Variants in SRRM4 observed in about 807,000 individuals in gnomAD.
SRRM4 encodes serine/arginine repetitive matrix 4, also known as serine/arginine repetitive matrix protein 4.
A neutral mutation model predicts 68.9 loss-of-function variants in SRRM4; 33 were observed. The ratio of observed to expected loss-of-function variants is 0.48; its 90% CI spans 0.36 to 0.64. SRRM4 has a LOEUF of 0.64. Ranked by LOEUF, SRRM4 falls within the 30% of genes least tolerant of loss-of-function variation. SRRM4 has a pLI of 0.00. For synonymous variants in SRRM4, 318 were observed against 318.8 expected, an observed-to-expected ratio of 1.00 and a Z score of 0.03; for missense variants, 817 against 827.1, an observed-to-expected ratio of 0.99 and a Z score of 0.15.
chr12:118,998,836 T>C (rs1171382528), intron 1 of SRRM4, among the ~76,000 whole-genome samples: 1 of 152,228 alleles, frequency 6.6e-6, no homozygotes, highest in Admixed American at 6.5e-5. Flanking sequence ...TTTATCTCTC[T>C]ATTCCCAGTG....
chr12:119,065,305 C>G (rs1191980382), intron 1 of SRRM4, among the ~76,000 whole-genome samples: 2 of 152,188 alleles, frequency 1.3e-5, no homozygotes, highest in Non-Finnish European at 1.5e-5. Context: ...ATGTAGACAG[C>G]TCCAAGTGAG....
intron 9 of SRRM4, among the ~76,000 whole-genome samples, chr12:119,150,754 A>T (rs1954433531): frequency 6.6e-6 from 1 of 152,164 alleles, no homozygotes; most frequent in Admixed American, 6.5e-5. Context: ...TGACATTCTA[A>T]AATACTCCAC....
intron 2 of SRRM4, among the ~76,000 whole-genome samples, chr12:119,105,608 T>C (rs1428481736): frequency 3.9e-5 from 6 of 152,262 alleles, no homozygotes; most frequent in Non-Finnish European, 7.3e-5. Context: ...GTTGGCTGCA[T>C]AAATGTCTTC....
chr12:119,142,302 CT>C (rs1233529653), intron 8 of SRRM4, among the ~76,000 whole-genome samples: 7 of 152,316 alleles, frequency 4.6e-5, no homozygotes, highest in Admixed American at 1.3e-4. Context: ...GCCTTTATCC[CT>C]GTTTTCTGGT....
chr12:119,154,115 C>G lies in SRRM4; in HGVS notation c.1392-128C>G. Reference sequence around the variant, plus strand: ...GTCATCCTCCCTCCGGTCTCCCTTGCGGCAACGTGCAGACCCCATCCCGTG... The same window carrying G: ...GTCATCCTCCCTCCGGTCTCCCTTGGGGCAACGTGCAGACCCCATCCCGTG... On this transcript the variant is annotated intron_variant, in intron 11 of 12. Coordinates refer to ENST00000267260, the MANE Select transcript of SRRM4 (RefSeq NM_194286.4). This position sits in a 1 kb window ranked among gnomAD's most constrained non-coding sequence, Gnocchi z 4.7. 1.2e-6 allele frequency: 1 copy of G among 833,044 alleles called. No homozygotes were observed. Among genetic ancestry groups the G allele is most frequent in the Non-Finnish European group, 1.9e-6 (1 of 529,712 alleles). The allele number at this position is 833,044 out of a possible 1,614,324, so 51.6% of individuals were successfully genotyped here.
chr12:119,137,115 A>G (rs1220780098), intron 8 of SRRM4, among the ~76,000 whole-genome samples: 1 of 149,762 alleles, frequency 6.7e-6, no homozygotes. Flanking sequence ...TTTTTTTTTT[A>G]AGGAATAACC....
At position 119,154,024 on chromosome 12, in the gene SRRM4, C is replaced by A. The variant is rs1484397881; in HGVS notation, c.1392-219C>A. Among the ~76,000 whole-genome samples the A allele has an allele frequency of 6.7e-6, 1 of 149,694 alleles. No homozygotes were observed. Among genetic ancestry groups the A allele is most frequent in the Non-Finnish European group, 1.5e-5 (1 of 67,836 alleles). ...GATGCCCACCTGCAAATGCTGACAC[C>A]CCTGCACAAGCCCAGCCCCCACCCC... is the stretch of plus-strand genomic sequence containing the variant. On this transcript the variant is annotated intron_variant, in intron 11 of 12. Coordinates refer to ENST00000267260, the MANE Select transcript of SRRM4 (RefSeq NM_194286.4). This position sits in a 1 kb window ranked among gnomAD's most constrained non-coding sequence, Gnocchi z 4.7.
At position 119,160,283 on chromosome 12, in the gene SRRM4, C is replaced by CTCTCTCTCTCTCTCTG. The variant is rs1299037591; in HGVS notation, c.*3490_*3491insCTCTCTCTCTGTCTCT. 2.2e-4 allele frequency: 28 copies of CTCTCTCTCTCTCTCTG among 129,736 alleles called. 1 individual carries two copies. Among genetic ancestry groups the CTCTCTCTCTCTCTCTG allele is most frequent in the African/African-American group, 8.6e-4 (25 of 29,158 alleles). The allele number at this position is 129,736 out of a possible 1,614,324, so 8.0% of individuals were successfully genotyped here. ...TCTCTCTGTCTCTCTCTCTGTCTCT[C>CTCTCTCTCTCTCTCTG]TCTCTGTCTCTCTCTCTCTCTCTCT... On this transcript the variant is annotated 3_prime_UTR_variant, in exon 13 of 13. Transcript: ENST00000267260.
intron 4 of SRRM4, among the ~76,000 whole-genome samples, chr12:119,119,600 C>T (rs866996495): frequency 6.6e-6 from 1 of 151,936 alleles, no homozygotes; most frequent in Non-Finnish European, 1.5e-5. Flanking sequence ...CTTCTCTGAT[C>T]GTCAGTGTTT....
intron 1 of SRRM4, among the ~76,000 whole-genome samples, chr12:118,995,179 T>A (rs1252924869): frequency 1.3e-5 from 2 of 152,258 alleles, no homozygotes; most frequent in Non-Finnish European, 2.9e-5. Flanking sequence ...CTGCAATATG[T>A]CACTTAATCT....
At chr12:119,094,784 C>T (rs1315543306) in intron 1 of SRRM4, among the ~76,000 whole-genome samples, 2 of 152,202 alleles carry the variant, frequency 1.3e-5, no homozygotes, top group African/African-American at 2.4e-5. Flanking sequence ...TTGCAATTCC[C>T]GGTTTAGGGA....
rs559471591 is a variant in SRRM4 at position 118,993,021 on chromosome 12, C to T, written c.131+11008C>T. Among the ~76,000 whole-genome samples, 9 of 152,274 alleles carry T rather than the reference C, an allele frequency of 5.9e-5. No homozygotes were observed. The South Asian group carries it at 1.9e-3, about 32-fold the overall frequency. On this transcript the variant is annotated intron_variant, in intron 1 of 12. Transcript: ENST00000267260. ...GTCACATCATGAAATAATGATATATCATTACTATCGTCACTGTTAAACTGT... is the reference window on the plus strand; with the variant it reads ...GTCACATCATGAAATAATGATATATTATTACTATCGTCACTGTTAAACTGT...
intron 1 of SRRM4, among the ~76,000 whole-genome samples, chr12:119,057,558 G>T (rs1449832984): frequency 6.6e-6 from 1 of 152,146 alleles, no homozygotes; most frequent in Non-Finnish European, 1.5e-5. Context: ...GTATTCCAGG[G>T]TGTATATATA....
chr12:119,072,941 G>A (rs759564240), intron 1 of SRRM4, among the ~76,000 whole-genome samples: 9 of 152,192 alleles, frequency 5.9e-5, no homozygotes, highest in Non-Finnish European at 1.2e-4. Flanking sequence ...TCTGAATTTA[G>A]ATCAGGTGAA....
At chr12:119,002,197 G>T (rs1565886889) in intron 1 of SRRM4, among the ~76,000 whole-genome samples, 2 of 151,684 alleles carry the variant, frequency 1.3e-5, no homozygotes, top group Non-Finnish European at 2.9e-5. Flanking sequence ...GTCCTCATTA[G>T]ATGCTGATTG....
chr12:118,996,212 C>T (rs564484507), intron 1 of SRRM4, among the ~76,000 whole-genome samples: 1 of 152,250 alleles, frequency 6.6e-6, no homozygotes, highest in African/African-American at 2.4e-5. Context: ...ATCTTCCAGT[C>T]CTAGTTCTCT....
chr12:119,091,748 A>G (rs1452026267), intron 1 of SRRM4, among the ~76,000 whole-genome samples: 7 of 151,670 alleles, frequency 4.6e-5, no homozygotes, highest in African/African-American at 1.2e-4. Flanking sequence ...TGCACTCCCA[A>G]CTCTCCCTGG....
chr12:119,039,579 GT>G (rs1386652268), intron 1 of SRRM4, among the ~76,000 whole-genome samples: 5 of 152,116 alleles, frequency 3.3e-5, no homozygotes, highest in African/African-American at 4.8e-5. Flanking sequence ...GACTTCCCCA[GT>G]TTCGTCACTG....
At chr12:119,108,559 C>T in intron 2 of SRRM4, among the ~76,000 whole-genome samples, 1 of 152,250 alleles carries the variant, frequency 6.6e-6, no homozygotes, top group East Asian at 1.9e-4. Flanking sequence ...GATCCCTTTA[C>T]CATAATGTAA....
Sources: allele counts gnomAD v4.1 joint callset (sites outside exome capture counted in the v4.1 genomes callset), GRCh38; gene constraint gnomAD v4.1.1; non-coding constraint Gnocchi (gnomAD v3.1); transcripts MANE v1.5; gene names NCBI Gene and HGNC (gene_info 2026-07-23, HGNC 2026-07-21).